RAPGEF1: variants seen among roughly 807,000 people sequenced by gnomAD.
RAPGEF1 encodes the protein CRK SH3-binding GNRP.
Under a neutral mutation model 143.3 loss-of-function variants are expected in RAPGEF1, and 33 were observed. The observed-to-expected ratio is 0.23, with a 90% CI of 0.17 to 0.31. The LOEUF is 0.31. Among genes scored for constraint, RAPGEF1 ranks in the 10% least tolerant of loss-of-function variants. RAPGEF1 has a pLI of 1.00. For missense variants in RAPGEF1, 1,199 were observed against 1,645.4 expected, an observed-to-expected ratio of 0.73 and a Z score of 4.69; for synonymous variants, 629 against 676.5, an observed-to-expected ratio of 0.93 and a Z score of 1.09.
At position 131,623,602 on chromosome 9, in the gene RAPGEF1, G is replaced by A. The variant is rs541836482; in HGVS notation, c.1703-1604C>T. 2.0e-5 allele frequency among the ~76,000 whole-genome samples: 3 copies of A among 152,330 alleles called. No homozygotes were observed. The East Asian group carries it at 5.8e-4, about 29-fold the overall frequency. The stretch of plus-strand genomic sequence containing the variant: ...GAGGAGGACCCAGTCCATTTCAAAA[G>A]CAGCCCAGAGGCTGATTTTAGAGGC... On this transcript the variant is annotated intron_variant, in intron 10 of 26. Transcript: ENST00000683357.
At chr9:131,739,162 C>A (rs963682392) in intron 1 of RAPGEF1, among the ~76,000 whole-genome samples, 18 of 152,188 alleles carry the variant, frequency 1.2e-4, no homozygotes, top group Non-Finnish European at 4.4e-5. Context: ...CACAAAGAGA[C>A]GAGGTCTGCA....
Position 131,709,511 on chromosome 9 carries a change from T to C in RAPGEF1, c.61+30259A>G, listed in dbSNP as rs934237165. ...ATCATGTTGGACTACCTGTGCTTTCTGCTCTGGAAGGTGATTCCCCAGGCA... is the reference window on the plus strand; with the variant it reads ...ATCATGTTGGACTACCTGTGCTTTCCGCTCTGGAAGGTGATTCCCCAGGCA... On this transcript the variant is annotated intron_variant, in intron 1 of 26. Coordinates refer to ENST00000683357, the MANE Select transcript of RAPGEF1 (RefSeq NM_001377935.1). The C allele has an allele frequency of 1.5e-5, 14 of 951,082 alleles. No homozygotes were observed. The African/African-American group carries it at 1.8e-4, about 12-fold the overall frequency. 58.9% of individuals were successfully genotyped at this position (951,082 alleles called of 1,614,324 possible). A position where few individuals can be genotyped will look rare whatever the true frequency, so the allele number is the denominator to read the frequency against.
At chr9:131,737,438 C>T (rs1837493650) in intron 1 of RAPGEF1, 16 of 1,613,914 alleles carry the variant, frequency 9.9e-6, no homozygotes, top group Non-Finnish European at 1.2e-5. Context: ...CTCGGTCTGG[C>T]AGCCTGGGTA....
At chr9:131,617,698 A>C in intron 12 of RAPGEF1, among the ~76,000 whole-genome samples, 1 of 152,360 alleles carries the variant, frequency 6.6e-6, no homozygotes. Context: ...CTACATACCT[A>C]GACATTTCAT....
At chr9:131,635,020 C>T (rs566815274) in intron 5 of RAPGEF1, among the ~76,000 whole-genome samples, 2 of 152,156 alleles carry the variant, frequency 1.3e-5, no homozygotes, top group South Asian at 4.2e-4. Flanking sequence ...GCTACAGGCT[C>T]CCGGTGGAAA....
intron 10 of RAPGEF1, among the ~76,000 whole-genome samples, chr9:131,622,819 G>T (rs1322013431): frequency 6.6e-6 from 1 of 151,700 alleles, no homozygotes; most frequent in East Asian, 1.9e-4. Context: ...CCAGGCTGGA[G>T]TGTAGTGGTG....
chr9:131,586,214 GCACACA>G (rs140743473), intron 22 of RAPGEF1, among the ~76,000 whole-genome samples: 5 of 124,538 alleles, frequency 4.0e-5, no homozygotes, highest in African/African-American at 6.2e-5. Context: ...ACACACGCAC[GCACACA>G]CACACACACA....
chr9:131,647,009 C>T (rs992401590), intron 3 of RAPGEF1, among the ~76,000 whole-genome samples: 1 of 152,116 alleles, frequency 6.6e-6, no homozygotes, highest in African/African-American at 2.4e-5. Context: ...GTCCAAATGC[C>T]CTCAGAGATG....
chr9:131,620,840 G>T (rs1026507802), intron 11 of RAPGEF1, among the ~76,000 whole-genome samples: 9 of 152,218 alleles, frequency 5.9e-5, no homozygotes, highest in African/African-American at 1.9e-4. Context: ...CCTCCCAGAA[G>T]AATCAGATGG....
At chr9:131,634,440 C>T (rs1365968139) in intron 5 of RAPGEF1, among the ~76,000 whole-genome samples, 2 of 151,718 alleles carry the variant, frequency 1.3e-5, no homozygotes, top group East Asian at 1.9e-4. Flanking sequence ...AGGTCGGGCG[C>T]GGTGGTTCAC....
In RAPGEF1 at chr9:131,627,496, G is replaced by A. The variant is rs575444668; in HGVS notation, c.1201+417C>T. Among the ~76,000 whole-genome samples, 29 of 152,246 alleles carry A rather than the reference G, an allele frequency of 1.9e-4. 1 individual carries two copies. Among genetic ancestry groups the A allele is most frequent in the Admixed American group, 6.5e-4 (10 of 15,294 alleles). On this transcript the variant is annotated intron_variant, in intron 9 of 26. Coordinates refer to ENST00000683357, the MANE Select transcript of RAPGEF1 (RefSeq NM_001377935.1). ...CTGCCCAGCAGACTCGGAGGGGCCCGCACAGTACACATTCAGCACTGACTA... is the reference window on the plus strand; with the variant it reads ...CTGCCCAGCAGACTCGGAGGGGCCCACACAGTACACATTCAGCACTGACTA...
At chr9:131,665,545 T>G (rs1830288886) in intron 1 of RAPGEF1, among the ~76,000 whole-genome samples, 1 of 152,046 alleles carries the variant, frequency 6.6e-6, no homozygotes. Context: ...TTATAAGAGC[T>G]AAGTCTCGCT....
chr9:131,656,093 CA>C (rs1247291396), intron 1 of RAPGEF1, among the ~76,000 whole-genome samples: 1 of 152,164 alleles, frequency 6.6e-6, no homozygotes, highest in Non-Finnish European at 1.5e-5. Context: ...ATGCCTGGCA[CA>C]CGGCACCCGC....
At chr9:131,595,461 C>T (rs570088991) in intron 17 of RAPGEF1, among the ~76,000 whole-genome samples, 43 of 152,278 alleles carry the variant, frequency 2.8e-4, no homozygotes, top group African/African-American at 8.4e-4. Flanking sequence ...AGAAATGAAA[C>T]GGGTTGGGCT....
Position 131,626,160 on chromosome 9 carries a change from G to T in RAPGEF1, c.1464C>A (p.Gly488=). ...GCTCGTAGGACACCCTGCAGCCAGAGCCGTCCGCCGTCTGGGAGGCTGCGC... is the reference window on the plus strand; with the variant it reads ...GCTCGTAGGACACCCTGCAGCCAGATCCGTCCGCCGTCTGGGAGGCTGCGC... ...RRSAASQTAD[G]SGCRVSYERH... Residue 488 remains glycine (G), a synonymous_variant, in exon 10 of 27, where the codon GGC becomes GGA. Transcript: ENST00000683357. The T allele has an allele frequency of 1.2e-6, 2 of 1,613,976 alleles. No homozygotes were observed. Among genetic ancestry groups the T allele is most frequent in the Non-Finnish European group, 1.7e-6 (2 of 1,179,880 alleles).
At chr9:131,685,984 G>A (rs981129694) in intron 1 of RAPGEF1, among the ~76,000 whole-genome samples, 4 of 151,778 alleles carry the variant, frequency 2.6e-5, no homozygotes, top group Admixed American at 2.0e-4. Flanking sequence ...GAGGCGAGGT[G>A]ACTGCTTCTT....
At position 131,638,668 on chromosome 9, in the gene RAPGEF1, C is replaced by A; in HGVS notation, c.618G>T (p.Lys206Asn). The A allele has an allele frequency of 6.2e-7, 1 of 1,614,058 alleles. No individual in the cohort carries two copies. Among genetic ancestry groups the A allele is most frequent in the Non-Finnish European group, 8.5e-7 (1 of 1,179,900 alleles). The change falls in exon 5 of 27, where the codon AAG becomes AAT. Residue 206 changes from lysine to asparagine, a missense_variant. Transcript: ENST00000683357. Reference sequence around the variant, plus strand: ...CATCCAGCACAGCCTTGATGACCCCCTTCACAGTCGTCACCATCTCCTTGT... The same window carrying A: ...CATCCAGCACAGCCTTGATGACCCCATTCACAGTCGTCACCATCTCCTTGT... ...SEDKEMVTTV[K>N]GVIKAVLDGV...
chr9:131,732,560 G>T (rs1837147179), intron 1 of RAPGEF1, among the ~76,000 whole-genome samples: 1 of 152,174 alleles, frequency 6.6e-6, no homozygotes, highest in South Asian at 2.1e-4. Context: ...TCTCCCAGTG[G>T]TGTTCTGGGA....
intron 12 of RAPGEF1, among the ~76,000 whole-genome samples, chr9:131,609,990 G>A (rs192164127): frequency 3.7e-4 from 56 of 152,254 alleles, no homozygotes; most frequent in African/African-American, 1.3e-3. Flanking sequence ...TCAACCTCCT[G>A]GGTTCAACTG....
Sources: gnomAD v4.1 joint callset for allele counts (sites outside exome capture counted in the v4.1 genomes callset) on GRCh38, gnomAD v4.1.1 for gene constraint, MANE v1.5 for transcripts, NCBI Gene and HGNC (gene_info 2026-07-23, HGNC 2026-07-21) for gene names.